The following SPATA21 variants were observed in gnomAD, a reference collection of about 807,000 sequenced individuals.
The protein encoded by SPATA21 is spermatogenesis associated 21.
A neutral mutation model predicts 54.8 loss-of-function variants in SPATA21; 47 were observed. The observed-to-expected ratio is 0.86, with a 90% CI of 0.68 to 1.09. The LOEUF (loss-of-function observed/expected upper bound fraction) is 1.09, where lower values mean the gene tolerates loss of function less well. SPATA21 is among the 50% of genes least tolerant of loss of function. SPATA21 has a pLI of 0.00. For missense variants in SPATA21, 599 were observed against 596.4 expected, an observed-to-expected ratio of 1.00 and a Z score of -0.05; for synonymous variants, 245 against 235.3, an observed-to-expected ratio of 1.04 and a Z score of -0.38.
At chr1:16,426,581 T>TATATATATA (rs1341237564) in intron 3 of SPATA21, among the ~76,000 whole-genome samples, 1,524 of 67,126 alleles carry the variant, frequency 0.023, 8 homozygotes, top group East Asian at 0.078. Context: ...ATATATATAT[T>TATATATATA]TTTTTTTTTT....
intron 5 of SPATA21, among the ~76,000 whole-genome samples, chr1:16,416,860 G>T (rs78829896): frequency 6.6e-6 from 1 of 152,078 alleles, no homozygotes; most frequent in Non-Finnish European, 1.5e-5. Flanking sequence ...TGCTTTCTGC[G>T]GTCCCTCAGC....
downstream of SPATA21, chr1:16,397,152 A>C (rs1325996540): frequency 6.6e-6 from 1 of 152,258 alleles, no homozygotes; most frequent in Non-Finnish European, 1.5e-5. This position sits in a 1 kb window ranked among gnomAD's most constrained non-coding sequence, Gnocchi z 5.4. Flanking sequence ...TTCTTGCCCC[A>C]CTACCCTCTA....
At chr1:16,429,162 T>C (rs184523927) in intron 3 of SPATA21, among the ~76,000 whole-genome samples, 325 of 149,870 alleles carry the variant, frequency 2.2e-3, no homozygotes, top group African/African-American at 7.6e-3. Context: ...TTTTTTTGGC[T>C]TTTTTTTTCT....
intron 10 of SPATA21, among the ~76,000 whole-genome samples, chr1:16,402,970 T>C (rs937863993): frequency 6.6e-6 from 1 of 152,192 alleles, no homozygotes; most frequent in African/African-American, 2.4e-5. Context: ...CATTAAAATA[T>C]GTTCATTTCA....
chr1:16,414,153 C>T (rs2085933156), intron 5 of SPATA21, among the ~76,000 whole-genome samples: 1 of 152,018 alleles, frequency 6.6e-6, no homozygotes, highest in African/African-American at 2.4e-5. Flanking sequence ...GCAACCTCCG[C>T]CTCCCGGGTT....
chr1:16,428,094 C>A lies in SPATA21; in HGVS notation c.34+3244G>T. The A allele has an allele frequency of 6.8e-7, 1 of 1,478,452 alleles. No individual in the cohort carries two copies. The allele number at this position is 1,478,452 out of a possible 1,614,324, so 91.6% of individuals were successfully genotyped here. A position where few individuals can be genotyped will look rare whatever the true frequency, so the allele number is the denominator to read the frequency against. Reference sequence around the variant, plus strand: ...CTGGAGTGATCCCTCCCACTCCTCCCTGGGTACTCTTCTGGCCTCAAGGAC... The same window carrying A: ...CTGGAGTGATCCCTCCCACTCCTCCATGGGTACTCTTCTGGCCTCAAGGAC... On this transcript the variant is annotated intron_variant, in intron 3 of 12. Coordinates refer to ENST00000335496, the MANE Select transcript of SPATA21 (RefSeq NM_198546.1). The surrounding 1 kb of genome is among the most constrained non-coding windows in gnomAD (Gnocchi z 4.3).
At chr1:16,404,946 G>C in intron 8 of SPATA21, 21 bp downstream of exon 8, 1 of 1,550,974 alleles carries the variant, frequency 6.4e-7, no homozygotes. Context: ...GGGATGCAGA[G>C]TGGAGCCCTC....
At chr1:16,419,199 G>A (rs2086102658) in intron 5 of SPATA21, among the ~76,000 whole-genome samples, 1 of 152,184 alleles carries the variant, frequency 6.6e-6, no homozygotes, top group Non-Finnish European at 1.5e-5. Flanking sequence ...ACTCAAGAGA[G>A]CCGTAAGACT....
intron 3 of SPATA21, among the ~76,000 whole-genome samples, chr1:16,430,009 A>G (rs963164693): frequency 6.7e-6 from 1 of 150,132 alleles, no homozygotes; most frequent in South Asian, 2.1e-4. Context: ...TTCTAAAAAT[A>G]CAAAAAAAAT....
chr1:16,425,526 G>A, intron 3 of SPATA21: 1 of 1,548,618 alleles, frequency 6.5e-7, no homozygotes, highest in Non-Finnish European at 8.7e-7. Context: ...TAGGTTACCT[G>A]GCAGCTCTCA....
intron 10 of SPATA21, 32 bp downstream of exon 10, chr1:16,403,695 A>G (rs1298234748): frequency 1.9e-6 from 3 of 1,584,850 alleles, no homozygotes; most frequent in Non-Finnish European, 2.6e-6. Flanking sequence ...TGTGTCCACA[A>G]CCCTTCACCC....
At chr1:16,424,724 T>C (rs1438774618) in intron 3 of SPATA21, among the ~76,000 whole-genome samples, 1 of 151,980 alleles carries the variant, frequency 6.6e-6, no homozygotes, top group African/African-American at 2.4e-5. Flanking sequence ...TCTAATCATA[T>C]CTTGCAAAAT....
At chr1:16,397,451 A>G (rs1483619201), downstream of SPATA21, 1 of 152,244 alleles carries the variant, frequency 6.6e-6, no homozygotes, top group Non-Finnish European at 1.5e-5. This position sits in a 1 kb window ranked among gnomAD's most constrained non-coding sequence, Gnocchi z 5.4. Context: ...GTTGTCTGTA[A>G]CTTTCCTAAG....
intron 11 of SPATA21, 113 bp from the exon 12 acceptor site, chr1:16,399,634 G>A: frequency 8.1e-7 from 1 of 1,235,320 alleles, no homozygotes; most frequent in Non-Finnish European, 1.1e-6. Context: ...AGTGGTTTGG[G>A]GCAAGTCACT....
chr1:16,412,214 T>C (rs2085871783), intron 5 of SPATA21, among the ~76,000 whole-genome samples: 1 of 152,160 alleles, frequency 6.6e-6, no homozygotes, highest in Admixed American at 6.6e-5. Flanking sequence ...CTAAAAGTCA[T>C]CCTGCTGCCC....
chr1:16,400,282 G>T (rs2085404683), intron 11 of SPATA21, among the ~76,000 whole-genome samples: 1 of 152,138 alleles, frequency 6.6e-6, no homozygotes, highest in Admixed American at 6.6e-5. Context: ...CTCCCAAAGT[G>T]CTGGGATTAC....
intron 2 of SPATA21, 73 bp from the exon 3 acceptor site, chr1:16,431,495 C>T (rs1570222134): frequency 7.7e-6 from 11 of 1,431,150 alleles, no homozygotes; most frequent in East Asian, 2.3e-5. Context: ...CCACTTGGAG[C>T]CTATAATGTA....
At chr1:16,427,878 AG>A in intron 3 of SPATA21, 1 of 1,548,690 alleles carries the variant, frequency 6.5e-7, no homozygotes, top group Non-Finnish European at 8.7e-7. Flanking sequence ...GTCTTGCTGG[AG>A]GCCCCTGCTC....
intron 7 of SPATA21, among the ~76,000 whole-genome samples, chr1:16,405,592 T>C (rs1181389414): frequency 6.7e-6 from 1 of 149,614 alleles, no homozygotes; most frequent in Non-Finnish European, 1.5e-5. Flanking sequence ...GCCCAGGAGA[T>C]CCAGGAAGCA....
Sources: allele counts gnomAD v4.1 joint callset (sites outside exome capture counted in the v4.1 genomes callset), GRCh38; gene constraint gnomAD v4.1.1; non-coding constraint Gnocchi (gnomAD v3.1); transcripts MANE v1.5; gene names NCBI Gene and HGNC (gene_info 2026-07-23, HGNC 2026-07-21).